TMEM117: variants seen among roughly 807,000 people sequenced by gnomAD.
The protein encoded by TMEM117 is transmembrane protein 117.
In TMEM117, 27 loss-of-function variants were observed where a neutral mutation model predicts 52.4. That is an observed-to-expected ratio of 0.51 (90% CI 0.38 to 0.71). TMEM117 has a LOEUF of 0.71. TMEM117 is among the 30% of genes least tolerant of loss of function. The pLI is 0.00. For synonymous variants in TMEM117, 215 were observed against 206.3 expected (o/e 1.04, Z -0.36); for missense variants, 556 against 630.5 (o/e 0.88, Z 1.26).
At position 44,145,033 on chromosome 12, in the gene TMEM117, T is replaced by C. The variant is rs1034884416; in HGVS notation, c.510+1409T>C. ...TTAGCCAGGCGTGGTGGCGGGCGCC[T>C]GTAGTCCCAGCTACTCGGGAGGCTG... On this transcript the variant is annotated intron_variant, in intron 4 of 7. Transcript: ENST00000266534. Among the ~76,000 whole-genome samples the C allele has an allele frequency of 8.5e-3, 1,299 of 152,208 alleles. 13 individuals carry two copies. The highest frequency in any genetic ancestry group is 0.03 in the African/African-American group (1,235 of 41,528).
chr12:44,110,232 T>C (rs529538221), intron 3 of TMEM117, among the ~76,000 whole-genome samples: 5 of 149,466 alleles, frequency 3.3e-5, no homozygotes, highest in African/African-American at 5.0e-5. Context: ...TGGCCAGAAC[T>C]TCCAACACTA....
At chr12:43,843,734 A>T (rs1943153001) in intron 1 of TMEM117, among the ~76,000 whole-genome samples, 1 of 152,176 alleles carries the variant, frequency 6.6e-6, no homozygotes, top group East Asian at 1.9e-4. Context: ...CTTCCTCTTT[A>T]TTCTCATTCA....
intron 3 of TMEM117, among the ~76,000 whole-genome samples, chr12:44,088,518 A>G (rs902694767): frequency 6.6e-6 from 1 of 152,208 alleles, no homozygotes; most frequent in Non-Finnish European, 1.5e-5. Context: ...TAGTTGAGTT[A>G]AATCTAGTTC....
At chr12:44,032,997 A>G (rs1357789733) in intron 3 of TMEM117, among the ~76,000 whole-genome samples, 1 of 152,192 alleles carries the variant, frequency 6.6e-6, no homozygotes, top group Non-Finnish European at 1.5e-5. Flanking sequence ...GCATTCTCAA[A>G]TGGTTATGGC....
intron 4 of TMEM117, among the ~76,000 whole-genome samples, chr12:44,160,181 G>A (rs1056145410): frequency 3.9e-5 from 6 of 151,984 alleles, no homozygotes; most frequent in Admixed American, 2.0e-4. Flanking sequence ...TGTAAGCTGC[G>A]TTAGCCCTTT....
intron 5 of TMEM117, among the ~76,000 whole-genome samples, chr12:44,276,735 T>C (rs1023711225): frequency 2.6e-5 from 4 of 152,178 alleles, no homozygotes; most frequent in Non-Finnish European, 4.4e-5. Flanking sequence ...CAAAGCATTA[T>C]GTTATATACC....
At chr12:44,272,988 T>C (rs776694735) in intron 5 of TMEM117, among the ~76,000 whole-genome samples, 27 of 152,136 alleles carry the variant, frequency 1.8e-4, no homozygotes, top group Non-Finnish European at 3.2e-4. Context: ...CCAACAATGA[T>C]AGATTGGATT....
intron 6 of TMEM117, among the ~76,000 whole-genome samples, chr12:44,328,577 G>C (rs936413992): frequency 6.6e-6 from 1 of 152,052 alleles, no homozygotes; most frequent in Non-Finnish European, 1.5e-5. Flanking sequence ...GACAAAGCAC[G>C]TGTTACAATC....
intron 2 of TMEM117, among the ~76,000 whole-genome samples, chr12:43,875,169 C>A (rs1224193574): frequency 2.0e-5 from 3 of 151,674 alleles, no homozygotes; most frequent in Admixed American, 1.3e-4. Context: ...TTCTTTACAG[C>A]AGTAAGATTT....
the TMEM117 span, among the ~76,000 whole-genome samples, chr12:44,396,865 G>GAAAGA: frequency 6.8e-6 from 1 of 146,630 alleles, no homozygotes; most frequent in Non-Finnish European, 1.5e-5. Flanking sequence ...AAAAAAAAAA[G>GAAAGA]AAAGAAAAGA....
At chr12:44,340,170 C>T (rs1053383265) in intron 6 of TMEM117, among the ~76,000 whole-genome samples, 4 of 151,958 alleles carry the variant, frequency 2.6e-5, no homozygotes, top group African/African-American at 4.8e-5. Flanking sequence ...ACTGGCTAGG[C>T]GTCTGTGAAA....
chr12:43,912,804 T>G (rs139934550), intron 2 of TMEM117, among the ~76,000 whole-genome samples: 97 of 152,192 alleles, frequency 6.4e-4, no homozygotes, highest in African/African-American at 2.2e-3. Flanking sequence ...TAGTCTAATT[T>G]ATAGTTATAT....
chr12:43,967,378 T>G (rs1592400585), intron 3 of TMEM117, among the ~76,000 whole-genome samples: 1 of 152,190 alleles, frequency 6.6e-6, no homozygotes, highest in African/African-American at 2.4e-5. Context: ...CCCACTTGGA[T>G]TCCTAAAGTG....
intron 4 of TMEM117, among the ~76,000 whole-genome samples, chr12:44,165,874 A>G (rs2138267900): frequency 6.6e-6 from 1 of 152,344 alleles, no homozygotes; most frequent in African/African-American, 2.4e-5. Flanking sequence ...GACCAAATGG[A>G]CCTAACAGAC....
chr12:43,864,218 G>A (rs183352788), intron 2 of TMEM117, among the ~76,000 whole-genome samples: 40 of 152,270 alleles, frequency 2.6e-4, no homozygotes, highest in African/African-American at 8.7e-4. Context: ...GAGCCTCCCC[G>A]ACCAGCACCT....
chr12:44,278,612 T>C (rs1037274308), intron 5 of TMEM117, among the ~76,000 whole-genome samples: 3 of 152,208 alleles, frequency 2.0e-5, no homozygotes, highest in African/African-American at 7.2e-5. Flanking sequence ...AGCAATGATG[T>C]TAAAGAATAT....
rs565131668 is a variant in TMEM117 at position 44,185,227 on chromosome 12, A to G, written c.511-26063A>G. The stretch of plus-strand genomic sequence containing the variant: ...TTGCATTATCAGTGACTTTTCTAGT[A>G]TCTAGTCCTGGTAGTAATACAAAGC... On this transcript the variant is annotated intron_variant, in intron 4 of 7. Transcript: ENST00000266534. Among the ~76,000 whole-genome samples, 4 of 152,328 alleles carry G rather than the reference A, an allele frequency of 2.6e-5. No individual in the cohort carries two copies. In the East Asian group the frequency reaches 7.7e-4, roughly 29 times the overall value.
At chr12:44,082,064 C>T (rs986441306) in intron 3 of TMEM117, among the ~76,000 whole-genome samples, 2 of 151,582 alleles carry the variant, frequency 1.3e-5, no homozygotes, top group African/African-American at 2.4e-5. Context: ...TTTATAAGAT[C>T]GTTTCAACAA....
the TMEM117 span, chr12:43,797,362 C>G: frequency 6.2e-7 from 1 of 1,606,256 alleles, no homozygotes; most frequent in Non-Finnish European, 8.5e-7. Flanking sequence ...TGGTAACGAG[C>G]TGAATCCTTG....
Sources: allele counts gnomAD v4.1 joint callset (sites outside exome capture counted in the v4.1 genomes callset), GRCh38; gene constraint gnomAD v4.1.1; transcripts MANE v1.5; gene names NCBI Gene and HGNC (gene_info 2026-07-23, HGNC 2026-07-21).